Variants in TLN1 observed in about 807,000 individuals in gnomAD.
TLN1 encodes talin 1.
TLN1 carries 56 observed loss-of-function variants against 292.3 expected under a neutral mutation model. That is an observed-to-expected ratio of 0.19 (90% confidence interval 0.15 to 0.24). TLN1 has a LOEUF of 0.24. Ranked by LOEUF, TLN1 falls within the 10% of genes least tolerant of loss-of-function variation. The pLI is 1.00. For missense variants in TLN1, 2,433 were observed against 3,248.2 expected (o/e 0.75, Z 6.10); for synonymous variants, 1,119 against 1,253.7 (o/e 0.89, Z 2.27).
At chr9:35,727,586 G>A (rs1381828985) in intron 1 of TLN1, among the ~76,000 whole-genome samples, 1 of 152,076 alleles carries the variant, frequency 6.6e-6, no homozygotes, top group African/African-American at 2.4e-5. Context: ...CCCACTCCTG[G>A]GGCACTTTGC....
chr9:35,698,503 G>C lies in TLN1; in HGVS notation c.7191C>G (p.Ala2397=), dbSNP rs773462329. The change falls in exon 55 of 57, where the codon GCC becomes GCG. Residue 2397 remains alanine (A), a splice_region_variant and synonymous_variant. Coordinates refer to ENST00000314888, the MANE Select transcript of TLN1 (RefSeq NM_006289.4). The surrounding 1 kb of genome is among the most constrained non-coding windows in gnomAD (Gnocchi z 5.3). ...TGTTGGTGGCCGCAGCCACCATCCG[G>C]GCCTAAAGCAGGGAGAGTTTGCTTA... ...GQWSQGLISA[A]RMVAAATNNL... 3 of 1,613,708 alleles carry C rather than the reference G, an allele frequency of 1.9e-6. No individual in the cohort carries two copies. The highest frequency in any genetic ancestry group is 4.5e-5 in the East Asian group (2 of 44,888).
At chr9:35,721,827 G>C in intron 9 of TLN1, 24 bp from the exon 10 acceptor site, 1 of 1,603,658 alleles carries the variant, frequency 6.2e-7, no homozygotes, top group Non-Finnish European at 8.5e-7. Context: ...GTTGGTGTTG[G>C]TGTTACAGGT....
At chr9:35,713,158 T>G (rs1445183329) in intron 26 of TLN1, 38 bp downstream of exon 26, 7 of 1,582,142 alleles carry the variant, frequency 4.4e-6, no homozygotes, top group Middle Eastern at 3.4e-4. Flanking sequence ...CCTACCTCCC[T>G]CACAATATGC....
At chr9:35,731,090 T>C (rs1266042760) in intron 1 of TLN1, among the ~76,000 whole-genome samples, 1 of 152,136 alleles carries the variant, frequency 6.6e-6, no homozygotes, top group African/African-American at 2.4e-5. Context: ...ATGCCTGCAA[T>C]TCTAGCTAAA....
At position 35,725,531 on chromosome 9, in the gene TLN1, C is replaced by T. The variant is rs1420911675; in HGVS notation, c.130+34G>A. The T allele has an allele frequency of 4.4e-6, 7 of 1,606,062 alleles. No homozygotes were observed. The East Asian group carries it at 1.1e-4, about 26-fold the overall frequency. On this transcript the variant is annotated intron_variant, in intron 2 of 56. Transcript: ENST00000314888. Reference sequence around the variant, plus strand: ...CCTGGGAACAAGAAGGGACTGAAGACTCCCACTCCAGCCACCGGGGGAGTC... The same window carrying T: ...CCTGGGAACAAGAAGGGACTGAAGATTCCCACTCCAGCCACCGGGGGAGTC...
Position 35,705,772 on chromosome 9 carries a change from A to G in TLN1, c.5591T>C (p.Ile1864Thr), listed in dbSNP as rs1825553337. 6.2e-7 allele frequency: 1 copy of G among 1,614,120 alleles called. No homozygotes were observed. Among genetic ancestry groups the G allele is most frequent in the Admixed American group, 1.7e-5 (1 of 60,014 alleles). The change falls in exon 42 of 57, where the codon ATT becomes ACT. Residue 1864 changes from isoleucine to threonine, a missense_variant. Physicochemically the swap from Ile to Thr is moderately conservative, Grantham distance 89. Coordinates refer to ENST00000314888, the MANE Select transcript of TLN1 (RefSeq NM_006289.4). ...CACCATCTCCTGAACGGTCACTGCA[A>G]TGGCCTTGGCTGTCCGCACCATAGT... ...QTTMVRTAKAIAVTVQEMVTK... is the reference protein window; with the variant it reads ...QTTMVRTAKATAVTVQEMVTK...
At position 35,710,828 on chromosome 9, in the gene TLN1, C is replaced by A. The variant is rs997375582; in HGVS notation, c.4172G>T (p.Gly1391Val). ...GTTCTCCATTACACTGTCCAGGCAA[C>A]CAAAGTAGGACATGTCATTGATGGG... ...VQPINDMSYF[G>V]CLDSVMENSK... Residue 1391 changes from glycine to valine, a missense_variant, in exon 32 of 57, where the codon GGT becomes GTT. Gly to Val is a moderately radical substitution (Grantham distance 109). Transcript: ENST00000314888. The A allele has an allele frequency of 4.3e-6, 7 of 1,614,226 alleles. No homozygotes were observed. The South Asian group carries it at 6.6e-5, about 15-fold the overall frequency.
At position 35,707,326 on chromosome 9, in the gene TLN1, T is replaced by C. The variant is rs76941319; in HGVS notation, c.4773+22A>G. On this transcript the variant is annotated intron_variant, in intron 36 of 56. Coordinates refer to ENST00000314888, the MANE Select transcript of TLN1 (RefSeq NM_006289.4). The surrounding 1 kb of genome is among the most constrained non-coding windows in gnomAD (Gnocchi z 5.6). ...ATGAGGTGATAAGCTGGCCCATCAG[T>C]TCCCCCTTCACATCGCCTCACCTCA... 916 of 1,612,474 alleles carry C rather than the reference T, an allele frequency of 5.7e-4. 6 individuals are homozygous for C. In the African/African-American group the frequency reaches 9.9e-3, roughly 17 times the overall value.
intron 30 of TLN1, 71 bp from the exon 31 acceptor site, chr9:35,711,153 C>T: frequency 6.2e-7 from 1 of 1,610,292 alleles, no homozygotes; most frequent in Admixed American, 1.7e-5. Context: ...AAGTATTTAT[C>T]TTTTGCCTAT....
intron 10 of TLN1, 46 bp downstream of exon 10, chr9:35,721,602 T>C (rs1435784392): frequency 1.3e-6 from 2 of 1,591,904 alleles, no homozygotes; most frequent in Non-Finnish European, 1.7e-6. Flanking sequence ...GCTGCCCCTT[T>C]AATGAAACTC....
chr9:35,723,903 T>A (rs372582932), intron 7 of TLN1, 49 bp downstream of exon 7: 1 of 1,604,750 alleles, frequency 6.2e-7, no homozygotes, highest in African/African-American at 1.3e-5. Context: ...GGGGTCACAA[T>A]GGCAGGGAGT....
At chr9:35,715,014 A>G in intron 21 of TLN1, 45 bp downstream of exon 21, 1 of 1,612,254 alleles carries the variant, frequency 6.2e-7, no homozygotes, top group South Asian at 1.1e-5. Context: ...TTCCTCCCAC[A>G]GCACCCACAC....
At position 35,698,758 on chromosome 9, in the gene TLN1, A is replaced by G. The variant is rs1414798109; in HGVS notation, c.7125+50T>C. On this transcript the variant is annotated intron_variant, in intron 53 of 56. Coordinates refer to ENST00000314888, the MANE Select transcript of TLN1 (RefSeq NM_006289.4). This position sits in a 1 kb window ranked among gnomAD's most constrained non-coding sequence, Gnocchi z 5.3. ...TCGCTGGCTATGGATGTGGATGTGGACATCAAAGTGCCAACCTGTCCCCAT... is the reference window on the plus strand; with the variant it reads ...TCGCTGGCTATGGATGTGGATGTGGGCATCAAAGTGCCAACCTGTCCCCAT... The G allele has an allele frequency of 6.2e-7, 1 of 1,613,736 alleles. No individual in the cohort carries two copies. Among genetic ancestry groups the G allele is most frequent in the Admixed American group, 1.7e-5 (1 of 60,012 alleles).
intron 34 of TLN1, 30 bp downstream of exon 34, chr9:35,708,311 T>A (rs763983607): frequency 1.3e-6 from 2 of 1,562,748 alleles, no homozygotes; most frequent in South Asian, 2.3e-5. Context: ...TTTCCCAGAC[T>A]CGCCTGTGGT....
chr9:35,705,785 T>C lies in TLN1; in HGVS notation c.5578A>G (p.Thr1860Ala), dbSNP rs1825553475. The C allele has an allele frequency of 1.2e-6, 2 of 1,614,130 alleles. No homozygotes were observed. Among genetic ancestry groups the C allele is most frequent in the East Asian group, 2.2e-5 (1 of 44,902 alleles). The change falls in exon 42 of 57, where the codon ACA becomes GCA. Residue 1860 changes from threonine to alanine, a missense_variant. Thr to Ala is a moderately conservative substitution (Grantham distance 58, BLOSUM62 0). This residue lies in a region of TLN1 where 1,384 missense variants were observed against 1,699.6 expected (regional missense o/e 0.81). Transcript: ENST00000314888. ...ACGGTCACTGCAATGGCCTTGGCTG[T>C]CCGCACCATAGTTGTTTGGTAATCC... ...FVDYQTTMVR[T>A]AKAIAVTVQE...
intron 2 of TLN1, 108 bp downstream of exon 2, chr9:35,725,457 G>T (rs1361540385): frequency 1.3e-6 from 2 of 1,542,964 alleles, no homozygotes; most frequent in East Asian, 4.5e-5. Context: ...ACAGACCTGA[G>T]GGGTGAGTAG....
chr9:35,731,741 C>G (rs1587994488), intron 1 of TLN1, among the ~76,000 whole-genome samples: 1 of 152,190 alleles, frequency 6.6e-6, no homozygotes. Context: ...GATTCCTAAA[C>G]GGACCCCACC....
In TLN1 at chr9:35,717,841, A is replaced by G. The variant is rs891184566; in HGVS notation, c.1996-55T>C. 2.2e-5 allele frequency: 35 copies of G among 1,558,324 alleles called. No individual in the cohort carries two copies. The Middle Eastern group carries it at 1.4e-3, about 63-fold the overall frequency. On this transcript the variant is annotated intron_variant, in intron 17 of 56. Transcript: ENST00000314888. The surrounding 1 kb of genome is among the most constrained non-coding windows in gnomAD (Gnocchi z 4.7). ...GAGATTGGGCTTGGGATTCACAGAC[A>G]CTTCTCAGAGGCGTAAGCTGCTTCA...
rs370001042 is a variant in TLN1, at chr9:35,714,806, G to T, written c.2825C>A (p.Pro942His). 1.3e-5 allele frequency: 20 copies of T among 1,580,382 alleles called. No individual in the cohort carries two copies. The highest frequency in any genetic ancestry group is 8.1e-5 in the African/African-American group (6 of 74,148). Reference sequence around the variant, plus strand: ...GGGCTGGGGGCCGGCAGAGGCCTTGGGGGTAGAGGCTGCGTGCTGAGCTGC... The same window carrying T: ...GGGCTGGGGGCCGGCAGAGGCCTTGTGGGTAGAGGCTGCGTGCTGAGCTGC... ...IAAAQHAAST[P>H]KASAGPQPLL... Residue 942 changes from proline (P) to histidine (H), a missense_variant, in exon 22 of 57, where the codon CCC becomes CAC. Physicochemically the swap from Pro to His is moderately conservative, Grantham distance 77 (BLOSUM62 -2). Transcript: ENST00000314888. This position sits in a 1 kb window ranked among gnomAD's most constrained non-coding sequence, Gnocchi z 4.6.
Sources: gnomAD v4.1 joint callset for allele counts (sites outside exome capture counted in the v4.1 genomes callset) on GRCh38, gnomAD v4.1.1 for gene constraint, gnomAD v4.1.1 regional missense constraint, Gnocchi (gnomAD v3.1) non-coding constraint, MANE v1.5 for transcripts, NCBI Gene and HGNC (gene_info 2026-07-23, HGNC 2026-07-21) for gene names.